RBL1: variants seen among roughly 807,000 people sequenced by gnomAD.
RBL1 encodes RB transcriptional corepressor like 1, also known as retinoblastoma-like protein 1.
Under a neutral mutation model 123.0 loss-of-function variants are expected in RBL1, and 82 were observed. The observed-to-expected ratio is 0.67, with a 90% CI of 0.56 to 0.80. The LOEUF is 0.80. Among genes scored for constraint, RBL1 ranks in the 30% least tolerant of loss-of-function variants. RBL1 has a pLI of 0.00. For missense variants in RBL1, 1,171 were observed against 1,299.6 expected (o/e 0.90, Z 1.52); for synonymous variants, 405 against 441.3 (o/e 0.92, Z 1.03).
At chr20:37,090,328 A>T (rs1173083360) in intron 1 of RBL1, among the ~76,000 whole-genome samples, 5 of 152,224 alleles carry the variant, frequency 3.3e-5, no homozygotes, top group African/African-American at 1.2e-4. Context: ...CATTTCTTAG[A>T]CCATGTCCCT....
At chr20:37,044,062 A>G in intron 13 of RBL1, 24 bp downstream of exon 13, 1 of 1,397,864 alleles carries the variant, frequency 7.2e-7, no homozygotes, top group Non-Finnish European at 9.6e-7. Flanking sequence ...TAATGATACG[A>G]TTATCAGCCT....
In RBL1 at chr20:37,004,131, C is replaced by T. The variant is rs371395973; in HGVS notation, c.2872-265G>A. Among the ~76,000 whole-genome samples, 31 of 149,250 alleles carry T rather than the reference C, an allele frequency of 2.1e-4. No individual in the cohort carries two copies. In the East Asian group the frequency reaches 3.0e-3, roughly 14 times the overall value. ...TGTTGCCCAGGCTGGAGTGCGATGG[C>T]GCAATCTAGGCTCACTGCAACCTCT... On this transcript the variant is annotated intron_variant, in intron 20 of 21. Transcript: ENST00000373664.
At position 37,035,472 on chromosome 20, in the gene RBL1, C is replaced by T. The variant is rs1237115475; in HGVS notation, c.1940G>A (p.Arg647His). Residue 647 changes from arginine to histidine, a missense_variant, in exon 15 of 22, where the codon CGC becomes CAC. Physicochemically the swap from Arg to His is conservative, Grantham distance 29 (BLOSUM62 0). Transcript: ENST00000373664. ...ACTCCCTGCGGTAGGAGAACTGTAGCGTTCATGGACAGAAATTGGAGACAA... is the reference window on the plus strand; with the variant it reads ...ACTCCCTGCGGTAGGAGAACTGTAGTGTTCATGGACAGAAATTGGAGACAA... ...QPLSPISVHE[R>H]YSSPTAGSAK... 8.1e-6 allele frequency: 13 copies of T among 1,596,552 alleles called. No individual in the cohort carries two copies. Among genetic ancestry groups the T allele is most frequent in the Non-Finnish European group, 1.0e-5 (12 of 1,172,298 alleles).
intron 6 of RBL1, 93 bp downstream of exon 6, chr20:37,066,631 C>CTATAATG (rs2065180260): frequency 8.3e-7 from 1 of 1,197,738 alleles, no homozygotes; most frequent in Non-Finnish European, 1.2e-6. Context: ...ACCCTAAGTT[C>CTATAATG]TATAATGCTG....
At chr20:37,038,048 G>GTGGTGCGATCTCC (rs1555855220) in intron 14 of RBL1, among the ~76,000 whole-genome samples, 3 of 139,166 alleles carry the variant, frequency 2.2e-5, no homozygotes, top group Non-Finnish European at 4.5e-5. Flanking sequence ...CTGGAGTACA[G>GTGGTGCGATCTCC]TGGTGCGATC....
In RBL1 at chr20:37,006,013, A is replaced by C. The variant is rs894950937; in HGVS notation, c.2871+1398T>G. Among the ~76,000 whole-genome samples the C allele has an allele frequency of 4.6e-4, 65 of 140,992 alleles. 1 individual carries two copies. The highest frequency in any genetic ancestry group is 1.6e-4 in the Admixed American group (2 of 12,692). The allele number at this position is 140,992 out of a possible 152,430, so 92.5% of individuals were successfully genotyped here. A position where few individuals can be genotyped will look rare whatever the true frequency, so the allele number is the denominator to read the frequency against. ...TGGGCCCAAGCGATCCACCTACCTT[A>C]GCTTGCTGAGTAGTTGGGACTAAAG... is the stretch of plus-strand genomic sequence containing the variant. On this transcript the variant is annotated intron_variant, in intron 20 of 21. Coordinates refer to ENST00000373664, the MANE Select transcript of RBL1 (RefSeq NM_002895.5).
chr20:37,060,396 T>C (rs1419581446), intron 9 of RBL1, among the ~76,000 whole-genome samples: 6 of 152,104 alleles, frequency 3.9e-5, no homozygotes, highest in Admixed American at 3.9e-4. Context: ...GGGGTAGTTA[T>C]AAGAGTGAAA....
chr20:36,999,779 C>T (rs1298554212), intron 21 of RBL1, among the ~76,000 whole-genome samples: 1 of 152,250 alleles, frequency 6.6e-6, no homozygotes, highest in African/African-American at 2.4e-5. Flanking sequence ...CAGACGGAGT[C>T]GCGTTTACTC....
intron 19 of RBL1, among the ~76,000 whole-genome samples, chr20:37,016,878 T>G (rs1356423656): frequency 7.5e-6 from 1 of 134,018 alleles, no homozygotes; most frequent in African/African-American, 2.9e-5. Flanking sequence ...AGTAAGATCC[T>G]GTCTCAGAAA....
chr20:37,022,976 T>C, intron 16 of RBL1, 150 bp from the exon 17 acceptor site: 1 of 641,518 alleles, frequency 1.6e-6, no homozygotes, highest in Non-Finnish European at 2.6e-6. Flanking sequence ...TTCACTGCTA[T>C]GGCAGGAGGA....
chr20:37,047,280 T>C, intron 11 of RBL1, 90 bp from the exon 12 acceptor site: 2 of 1,443,970 alleles, frequency 1.4e-6, no homozygotes, highest in Non-Finnish European at 1.9e-6. Flanking sequence ...CAAGAAAAAA[T>C]AACGTGCAAA....
intron 1 of RBL1, among the ~76,000 whole-genome samples, chr20:37,093,850 A>G (rs2065687055): frequency 6.6e-6 from 1 of 152,114 alleles, no homozygotes; most frequent in Non-Finnish European, 1.5e-5. Context: ...CATGCTGGCC[A>G]GGCTGGTCTT....
intron 12 of RBL1, 104 bp from the exon 13 acceptor site, chr20:37,044,354 T>C (rs2064782896): frequency 8.4e-7 from 1 of 1,188,660 alleles, no homozygotes; most frequent in Admixed American, 2.4e-5. Context: ...CTTCTTTTTT[T>C]TGAGACGGAG....
At chr20:37,000,428 C>T (rs1453309807) in intron 21 of RBL1, among the ~76,000 whole-genome samples, 1 of 143,886 alleles carries the variant, frequency 6.9e-6, no homozygotes, top group African/African-American at 2.5e-5. Flanking sequence ...GGGGGGTCAT[C>T]CCTCTGCCCA....
chr20:37,003,888 A>AT, intron 20 of RBL1, 22 bp from the exon 21 acceptor site: 3 of 1,561,496 alleles, frequency 1.9e-6, no homozygotes, highest in Non-Finnish European at 1.7e-6. Flanking sequence ...CAAAAGTCAG[A>AT]TTTTTTAGAT....
intron 2 of RBL1, among the ~76,000 whole-genome samples, chr20:37,069,216 G>A (rs909458760): frequency 2.0e-5 from 3 of 152,200 alleles, no homozygotes; most frequent in Non-Finnish European, 4.4e-5. Context: ...CGCCTGCCTT[G>A]GCCTCCCAAA....
At chr20:37,035,111 C>G (rs577667303) in intron 15 of RBL1, 131 bp downstream of exon 15, 2 of 928,126 alleles carry the variant, frequency 2.2e-6, no homozygotes, top group Admixed American at 6.6e-5. Context: ...AAATTCAAAT[C>G]TATTTAAAAA....
chr20:37,028,854 G>A (rs1004743072), intron 16 of RBL1, among the ~76,000 whole-genome samples: 1 of 152,178 alleles, frequency 6.6e-6, no homozygotes, highest in South Asian at 2.1e-4. Flanking sequence ...TATTTTTTAA[G>A]TGGCTAAAGG....
intron 6 of RBL1, among the ~76,000 whole-genome samples, chr20:37,066,008 T>C (rs1305788151): frequency 6.6e-6 from 1 of 152,190 alleles, no homozygotes; most frequent in African/African-American, 2.4e-5. Context: ...CAAGACTGAA[T>C]ACAAAAATTT....
Sources: allele counts gnomAD v4.1 joint callset (sites outside exome capture counted in the v4.1 genomes callset), GRCh38; gene constraint gnomAD v4.1.1; transcripts MANE v1.5; gene names NCBI Gene and HGNC (gene_info 2026-07-23, HGNC 2026-07-21).